Variants in ZNF385D observed in about 807,000 individuals in gnomAD.
ZNF385D encodes zinc finger protein 385D.
ZNF385D carries 15 observed loss-of-function variants against 35.8 expected under a neutral mutation model. The ratio of observed to expected loss-of-function variants is 0.42; its 90% CI spans 0.28 to 0.64. The LOEUF is 0.64. ZNF385D is among the 30% of genes least tolerant of loss of function. The pLI is 0.23. For missense variants in ZNF385D, 474 were observed against 494.6 expected (o/e 0.96, Z 0.39); for synonymous variants, 212 against 186.8 (o/e 1.13, Z -1.10).
chr3:22,104,649 C>A (rs1331754255), intron 3 of ZNF385D, among the ~76,000 whole-genome samples: 1 of 151,776 alleles, frequency 6.6e-6, no homozygotes, highest in African/African-American at 2.4e-5. Flanking sequence ...AACAGTGGCA[C>A]GAAAATGAGT....
intron 1 of ZNF385D, among the ~76,000 whole-genome samples, chr3:21,719,225 C>A (rs1167978660): frequency 1.3e-5 from 2 of 152,200 alleles, no homozygotes; most frequent in Admixed American, 1.3e-4. Flanking sequence ...CCCACACCTC[C>A]TCAATCAGCA....
At chr3:22,176,629 C>G (rs1694847846) in intron 2 of ZNF385D, among the ~76,000 whole-genome samples, 1 of 152,230 alleles carries the variant, frequency 6.6e-6, no homozygotes, top group Admixed American at 6.5e-5. Flanking sequence ...CCCAGAGTGG[C>G]AGAATGAGAT....
At chr3:21,812,491 C>T (rs527827985) in intron 3 of ZNF385D, among the ~76,000 whole-genome samples, 3 of 152,378 alleles carry the variant, frequency 2.0e-5, no homozygotes, top group South Asian at 4.1e-4. Context: ...TGGGACACTC[C>T]CACCCTAGTA....
chr3:22,248,811 G>T (rs762229630), intron 2 of ZNF385D, among the ~76,000 whole-genome samples: 23 of 152,210 alleles, frequency 1.5e-4, no homozygotes, highest in Non-Finnish European at 3.1e-4. Context: ...GAAAATGACT[G>T]CTTTGACCTT....
intron 3 of ZNF385D, among the ~76,000 whole-genome samples, chr3:22,090,200 G>C (rs976018575): frequency 6.6e-6 from 1 of 152,218 alleles, no homozygotes; most frequent in South Asian, 2.1e-4. Flanking sequence ...TTTCTGCTCT[G>C]GGAATGGTCC....
chr3:21,901,341 T>C (rs1005690206), intron 3 of ZNF385D, among the ~76,000 whole-genome samples: 2 of 152,128 alleles, frequency 1.3e-5, no homozygotes, highest in African/African-American at 4.8e-5. Context: ...ATCATCATAT[T>C]TACCAATGCT....
At chr3:21,691,262 G>A (rs916888973) in intron 1 of ZNF385D, among the ~76,000 whole-genome samples, 4 of 152,184 alleles carry the variant, frequency 2.6e-5, no homozygotes, top group South Asian at 4.1e-4. Context: ...AGCCACGCTC[G>A]CTGGCTCCAT....
At chr3:22,098,105 G>A (rs893544058) in intron 3 of ZNF385D, among the ~76,000 whole-genome samples, 1 of 152,020 alleles carries the variant, frequency 6.6e-6, no homozygotes, top group Non-Finnish European at 1.5e-5. Context: ...GGAAAAGACT[G>A]TCCACAAAAC....
chr3:21,934,107 C>A (rs1369891358), intron 3 of ZNF385D, among the ~76,000 whole-genome samples: 1 of 152,032 alleles, frequency 6.6e-6, no homozygotes, highest in Non-Finnish European at 1.5e-5. Flanking sequence ...GCATGCTTTT[C>A]AGCCAAGGGA....
chr3:21,831,784 A>G (rs1695006446), intron 3 of ZNF385D, among the ~76,000 whole-genome samples: 1 of 152,270 alleles, frequency 6.6e-6, no homozygotes. Flanking sequence ...AGTCTGATCA[A>G]TTCTGGATTG....
At chr3:21,547,190 GAA>G (rs1446174355) in intron 3 of ZNF385D, among the ~76,000 whole-genome samples, 4 of 152,078 alleles carry the variant, frequency 2.6e-5, no homozygotes, top group Non-Finnish European at 4.4e-5. Flanking sequence ...CTCCAAACTG[GAA>G]AGAGTTAATT....
chr3:21,745,323 A>C (rs2069716190), intron 1 of ZNF385D, among the ~76,000 whole-genome samples: 1 of 152,230 alleles, frequency 6.6e-6, no homozygotes, highest in African/African-American at 2.4e-5. Context: ...GATTCACTAC[A>C]TCCCAGCCAA....
chr3:22,313,781 T>G lies in ZNF385D; in HGVS notation c.106+58669A>C, dbSNP rs182857525. On this transcript the variant is annotated intron_variant, in intron 2 of 5. Transcript: ENST00000494108. ...CTTATAAACCAAAAACAAAATGGCATAAGCAAAAATGGGAATTTGTTATCC... is the reference window on the plus strand; with the variant it reads ...CTTATAAACCAAAAACAAAATGGCAGAAGCAAAAATGGGAATTTGTTATCC... 2.6e-5 allele frequency among the ~76,000 whole-genome samples: 4 copies of G among 152,284 alleles called. No individual in the cohort carries two copies. The East Asian group carries it at 5.8e-4, about 22-fold the overall frequency.
chr3:21,960,088 C>G (rs1702502073), intron 3 of ZNF385D, among the ~76,000 whole-genome samples: 1 of 142,954 alleles, frequency 7.0e-6, no homozygotes, highest in Non-Finnish European at 1.5e-5. Context: ...GCCAAGAATA[C>G]AATCAAAAAG....
At chr3:21,824,851 T>C (rs1050979898) in intron 3 of ZNF385D, among the ~76,000 whole-genome samples, 12 of 152,302 alleles carry the variant, frequency 7.9e-5, no homozygotes, top group African/African-American at 1.2e-4. Flanking sequence ...TTTTACACCA[T>C]AGGGAAATGG....
At position 22,133,592 on chromosome 3, in the gene ZNF385D, A is replaced by C. The variant is rs898834865; in HGVS notation, c.325+35225T>G. The C allele has an allele frequency of 2.6e-5, 4 of 152,172 alleles. No homozygotes were observed. The South Asian group carries it at 8.3e-4, about 32-fold the overall frequency. The allele number at this position is 152,172 out of a possible 1,614,324, so 9.4% of individuals were successfully genotyped here. A position where few individuals can be genotyped will look rare whatever the true frequency, so the allele number is the denominator to read the frequency against. On this transcript the variant is annotated intron_variant, in intron 3 of 5. Transcript: ENST00000494108. ...TAATAAGCACATTACTTAATTTTTT[A>C]TATTAATTTTTATTTCTACTTAGAG...
chr3:21,931,118 CAAAT>C (rs1462355817), intron 3 of ZNF385D, among the ~76,000 whole-genome samples: 11 of 151,916 alleles, frequency 7.2e-5, no homozygotes, highest in African/African-American at 2.4e-4. Context: ...AATAAAAAGA[CAAAT>C]AAAATTAAAC....
intron 2 of ZNF385D, among the ~76,000 whole-genome samples, chr3:22,211,755 C>G (rs948271904): frequency 1.3e-5 from 2 of 151,866 alleles, no homozygotes; most frequent in Admixed American, 6.6e-5. Flanking sequence ...CCTGGTGGTA[C>G]CTGACTGTCA....
At chr3:22,190,002 C>G (rs761290772) in intron 2 of ZNF385D, among the ~76,000 whole-genome samples, 4 of 151,970 alleles carry the variant, frequency 2.6e-5, no homozygotes, top group Non-Finnish European at 4.4e-5. Context: ...CACTTTTGCC[C>G]TGATGTGTTT....
Sources: gnomAD v4.1 joint callset for allele counts (sites outside exome capture counted in the v4.1 genomes callset) on GRCh38, gnomAD v4.1.1 for gene constraint, MANE v1.5 for transcripts, NCBI Gene and HGNC (gene_info 2026-07-23, HGNC 2026-07-21) for gene names.